PPFIBP1: variants seen among roughly 807,000 people sequenced by gnomAD.
PPFIBP1 encodes liprin-beta-1.
A neutral mutation model predicts 137.8 loss-of-function variants in PPFIBP1; 112 were observed. The ratio of observed to expected loss-of-function variants is 0.81; its 90% CI spans 0.70 to 0.95. The LOEUF (loss-of-function observed/expected upper bound fraction) is 0.95, where lower values mean the gene tolerates loss of function less well. PPFIBP1 is among the 40% of genes least tolerant of loss of function. The probability of loss-of-function intolerance (pLI) is 0.00; values close to 1 mark genes in which losing one functional copy is unlikely to be tolerated. For synonymous variants in PPFIBP1, 378 were observed against 417.3 expected (o/e 0.91, Z 1.15); for missense variants, 1,083 against 1,196.6 (o/e 0.91, Z 1.40).
chr12:27,528,786 G>T (rs1179499959), intron 1 of PPFIBP1, among the ~76,000 whole-genome samples: 1 of 152,138 alleles, frequency 6.6e-6, no homozygotes, highest in African/African-American at 2.4e-5. Flanking sequence ...TAGGCAGTTT[G>T]GGGGAGGAGG....
Position 27,688,419 on chromosome 12 carries a change from T to C in PPFIBP1, c.2492T>C (p.Leu831Pro). Residue 831 changes from leucine (L) to proline (P), a missense_variant, in exon 26 of 30, where the codon CTC becomes CCC. Leu to Pro is a moderately conservative substitution (Grantham distance 98, BLOSUM62 -3). Coordinates refer to ENST00000228425, the MANE Select transcript of PPFIBP1 (RefSeq NM_003622.4). ...AGAGGCAGTGGTGTCCATGGTGGGC[T>C]CATGGTAAAGCTCTGATTTAATTTA... is the stretch of plus-strand genomic sequence containing the variant. The part of the protein sequence containing the change: ...NLRGSGVHGG[L>P]MVLEPRFNVE... 2 of 1,613,820 alleles carry C rather than the reference T, an allele frequency of 1.2e-6. No individual in the cohort carries two copies. The highest frequency in any genetic ancestry group is 1.3e-5 in the African/African-American group (1 of 75,024).
chr12:27,595,885 A>AG, intron 2 of PPFIBP1, among the ~76,000 whole-genome samples: 1 of 116,280 alleles, frequency 8.6e-6, no homozygotes. Flanking sequence ...AACAACAACA[A>AG]AATATATATA....
Position 27,682,417 on chromosome 12 carries a change from A to G in PPFIBP1, c.2077A>G (p.Lys693Glu). Residue 693 changes from lysine (K) to glutamate (E), a missense_variant, in exon 23 of 30, where the codon AAG (lysine) becomes GAG (glutamate). Transcript: ENST00000228425. ...ELGIKHSLHR[K>E]KLQLALQALG... ...TGGAATCAAGCATTCACTTCATCGA[A>G]AGAAACTCCAGCTAGCACTCCAAGC... 2 of 1,613,888 alleles carry G rather than the reference A, an allele frequency of 1.2e-6. No individual in the cohort carries two copies. Among genetic ancestry groups the G allele is most frequent in the Non-Finnish European group, 1.7e-6 (2 of 1,179,748 alleles).
intron 6 of PPFIBP1, 106 bp downstream of exon 6, chr12:27,647,948 C>T: frequency 7.2e-7 from 1 of 1,385,392 alleles, no homozygotes; most frequent in Non-Finnish European, 9.4e-7. Context: ...TTTCTTGATT[C>T]ATTTAGACCA....
At chr12:27,623,575 G>A (rs765591404) in intron 2 of PPFIBP1, among the ~76,000 whole-genome samples, 14 of 151,948 alleles carry the variant, frequency 9.2e-5, no homozygotes, top group South Asian at 2.1e-4. Flanking sequence ...GAGTATGGTC[G>A]CACCCACCTG....
intron 11 of PPFIBP1, 61 bp downstream of exon 11, chr12:27,661,006 A>T (rs529389814): frequency 1.9e-4 from 295 of 1,589,832 alleles, no homozygotes; most frequent in Non-Finnish European, 2.4e-4. Context: ...TGACCATTCC[A>T]TGCAATTTCA....
At chr12:27,572,775 C>G (rs1489237899) in intron 1 of PPFIBP1, among the ~76,000 whole-genome samples, 1 of 152,166 alleles carries the variant, frequency 6.6e-6, no homozygotes, top group Non-Finnish European at 1.5e-5. Context: ...ACACTAAACC[C>G]TTTAAAGCAT....
At chr12:27,628,762 C>T (rs1446953001) in intron 2 of PPFIBP1, among the ~76,000 whole-genome samples, 1 of 152,142 alleles carries the variant, frequency 6.6e-6, no homozygotes, top group Admixed American at 6.5e-5. Context: ...TAACAACCAA[C>T]TTCTCTTTCC....
At chr12:27,650,832 G>C (rs747546618) in intron 7 of PPFIBP1, among the ~76,000 whole-genome samples, 2 of 152,176 alleles carry the variant, frequency 1.3e-5, no homozygotes, top group Non-Finnish European at 2.9e-5. Context: ...GTTGGTTTTT[G>C]ATGGAGACAG....
chr12:27,667,343 T>C, intron 13 of PPFIBP1, 23 bp downstream of exon 13: 2 of 1,553,294 alleles, frequency 1.3e-6, no homozygotes, highest in Non-Finnish European at 1.7e-6. Flanking sequence ...TTTCAGTATT[T>C]CCTTTATGTT....
At chr12:27,673,635 G>A (rs1470663861) in intron 15 of PPFIBP1, 132 bp from the exon 16 acceptor site, 2 of 695,422 alleles carry the variant, frequency 2.9e-6, no homozygotes, top group African/African-American at 1.8e-5. Context: ...ATAAGTGACT[G>A]CCTGATTCCA....
intron 2 of PPFIBP1, among the ~76,000 whole-genome samples, chr12:27,611,565 T>G: frequency 6.6e-6 from 1 of 152,186 alleles, no homozygotes; most frequent in Non-Finnish European, 1.5e-5. Flanking sequence ...AGGACATAAT[T>G]AAACACATCA....
intron 1 of PPFIBP1, among the ~76,000 whole-genome samples, chr12:27,555,532 C>A (rs2048639164): frequency 1.3e-5 from 2 of 152,140 alleles, no homozygotes; most frequent in Non-Finnish European, 2.9e-5. Context: ...GAAAGCTAAG[C>A]CTTGTTTTCC....
In PPFIBP1 at chr12:27,660,935, A is replaced by G; in HGVS notation, c.896A>G (p.Asn299Ser). The change falls in exon 11 of 30, where the codon AAT (asparagine) becomes AGT (serine). Residue 299 changes from asparagine to serine, a missense_variant. By Grantham distance (46) the Asn-to-Ser change is conservative. Transcript: ENST00000228425. ...GCTGTGGAGTCCTTGATGGCAGCAA[A>G]TGAAGAAAAGGTATCCAGATGAAAT... ...KKAVESLMAA[N>S]EEKDRKIEDL... 1 of 1,613,356 alleles carries G rather than the reference A, an allele frequency of 6.2e-7. No individual in the cohort carries two copies. Among genetic ancestry groups the G allele is most frequent in the Non-Finnish European group, 8.5e-7 (1 of 1,179,760 alleles).
At position 27,681,584 on chromosome 12, in the gene PPFIBP1, A is replaced by G. The variant is rs1038773484; in HGVS notation, c.1934A>G (p.Gln645Arg). The change falls in exon 22 of 30, where the codon CAG becomes CGG. Residue 645 changes from glutamine (Q) to arginine (R), a missense_variant. Transcript: ENST00000228425. ...CCATTTGCCAAGTGGACCAAGGAGC[A>G]GGTTTGCAATTGGCTGATGGAACAG... The part of the protein sequence containing the change: ...DMPFAKWTKE[Q>R]VCNWLMEQGL... 1.2e-6 allele frequency: 2 copies of G among 1,614,034 alleles called. No individual in the cohort carries two copies. The highest frequency in any genetic ancestry group is 1.3e-5 in the African/African-American group (1 of 74,934).
At chr12:27,587,312 A>G (rs890659872) in intron 2 of PPFIBP1, among the ~76,000 whole-genome samples, 2 of 152,144 alleles carry the variant, frequency 1.3e-5, no homozygotes, top group Admixed American at 1.3e-4. Flanking sequence ...TGTTTTAAAT[A>G]TATATAATCT....
chr12:27,551,938 A>G (rs748915932), intron 1 of PPFIBP1, among the ~76,000 whole-genome samples: 1 of 152,230 alleles, frequency 6.6e-6, no homozygotes. Flanking sequence ...CAGAACATCA[A>G]ATCATAATTG....
chr12:27,635,212 G>A, intron 4 of PPFIBP1, 97 bp downstream of exon 4: 2 of 1,123,754 alleles, frequency 1.8e-6, no homozygotes, highest in Non-Finnish European at 2.7e-6. Flanking sequence ...AAAAGTTTAG[G>A]GCAACACATG....
chr12:27,647,606 T>C (rs1214212361), intron 5 of PPFIBP1, 123 bp from the exon 6 acceptor site: 6 of 594,436 alleles, frequency 1.0e-5, no homozygotes, highest in South Asian at 6.8e-5. Context: ...TCTCAGATTT[T>C]TTTTTCTTTA....
Sources: gnomAD v4.1 joint callset for allele counts (sites outside exome capture counted in the v4.1 genomes callset) on GRCh38, gnomAD v4.1.1 for gene constraint, MANE v1.5 for transcripts, NCBI Gene and HGNC (gene_info 2026-07-23, HGNC 2026-07-21) for gene names.